Variants in CENPH observed in about 807,000 individuals in gnomAD.
CENPH encodes the protein centromere protein H, also known as CENP-H.
A neutral mutation model predicts 42.9 loss-of-function variants in CENPH; 40 were observed. That is an observed-to-expected ratio of 0.93 (90% CI 0.72 to 1.21). CENPH has a LOEUF of 1.21. Ranked by LOEUF, CENPH falls within the 50% of genes most tolerant of loss-of-function variation. The probability of loss-of-function intolerance (pLI) is 0.00; values close to 1 mark genes in which losing one functional copy is unlikely to be tolerated. For missense variants in CENPH, 302 were observed against 292.9 expected (o/e 1.03, Z -0.23); for synonymous variants, 88 against 96.5 (o/e 0.91, Z 0.52).
At chr5:69,201,773 C>T (rs149872764) in intron 5 of CENPH, among the ~76,000 whole-genome samples, 2 of 152,250 alleles carry the variant, frequency 1.3e-5, no homozygotes, top group African/African-American at 2.4e-5. Flanking sequence ...GCAGGATGAT[C>T]GCTTGAGCCC....
intron 1 of CENPH, 61 bp downstream of exon 1, chr5:69,189,829 C>G: frequency 1.4e-6 from 2 of 1,417,292 alleles, no homozygotes; most frequent in Non-Finnish European, 1.8e-6. Flanking sequence ...GAACTCCGCC[C>G]TTGCTCAGAA....
chr5:69,208,148 T>A (rs1355595536), intron 7 of CENPH, 48 bp from the exon 8 acceptor site: 5 of 972,500 alleles, frequency 5.1e-6, no homozygotes, highest in Non-Finnish European at 7.4e-6. Context: ...AGATCCTTGT[T>A]TATAGAGGTA....
chr5:69,205,523 G>A (rs947130828), intron 7 of CENPH, among the ~76,000 whole-genome samples: 2 of 151,880 alleles, frequency 1.3e-5, no homozygotes, highest in South Asian at 2.1e-4. Flanking sequence ...CACTGTGACC[G>A]GCCTTTTTGT....
At chr5:69,192,346 C>T (rs952408504) in intron 2 of CENPH, among the ~76,000 whole-genome samples, 28 of 152,220 alleles carry the variant, frequency 1.8e-4, no homozygotes, top group Non-Finnish European at 2.6e-4. Flanking sequence ...AGAAAGTTTA[C>T]GTTCCAATAG....
At chr5:69,195,153 C>T (rs1470852526) in intron 3 of CENPH, among the ~76,000 whole-genome samples, 4 of 152,112 alleles carry the variant, frequency 2.6e-5, no homozygotes, top group South Asian at 2.1e-4. Context: ...TGCTTGAACC[C>T]GGGAGGCGGA....
chr5:69,204,332 GTGCAGTGGCGTGA>G (rs1437648762), intron 7 of CENPH, among the ~76,000 whole-genome samples: 2 of 151,658 alleles, frequency 1.3e-5, no homozygotes, highest in African/African-American at 2.4e-5. Flanking sequence ...CCAGGCTGGA[GTGCAGTGGCGTGA>G]TCATAGTTCT....
intron 8 of CENPH, among the ~76,000 whole-genome samples, 197 bp downstream of exon 8, chr5:69,208,556 A>C (rs952281663): frequency 1.3e-5 from 2 of 151,810 alleles, no homozygotes; most frequent in Non-Finnish European, 2.9e-5. Context: ...ACGGGGTTTC[A>C]CCATGTTGGC....
intron 2 of CENPH, among the ~76,000 whole-genome samples, chr5:69,193,146 C>T (rs956026758): frequency 4.0e-5 from 6 of 149,648 alleles, no homozygotes; most frequent in Non-Finnish European, 8.9e-5. Context: ...CACACATATA[C>T]GTATATGTAT....
chr5:69,195,644 A>C, intron 3 of CENPH, 73 bp from the exon 4 acceptor site: 1 of 872,610 alleles, frequency 1.1e-6, no homozygotes, highest in Non-Finnish European at 1.9e-6. Context: ...TTAAGGGCTT[A>C]TTTTATACAT....
intron 5 of CENPH, among the ~76,000 whole-genome samples, chr5:69,199,876 G>T (rs1328672922): frequency 6.6e-6 from 1 of 152,152 alleles, no homozygotes; most frequent in Non-Finnish European, 1.5e-5. Flanking sequence ...ACTTTGGGAG[G>T]CCGAGGCAGG....
chr5:69,202,840 A>G, intron 6 of CENPH, 79 bp from the exon 7 acceptor site: 1 of 885,296 alleles, frequency 1.1e-6, no homozygotes, highest in East Asian at 2.6e-5. Flanking sequence ...AGGCTAGTAG[A>G]TAAACTCAGT....
intron 1 of CENPH, among the ~76,000 whole-genome samples, chr5:69,190,566 A>G (rs565899924): frequency 6.6e-6 from 1 of 152,318 alleles, no homozygotes; most frequent in African/African-American, 2.4e-5. Flanking sequence ...GTTCTATATC[A>G]TAACAGAGGT....
In CENPH at chr5:69,189,682, C is replaced by T. The variant is rs1244502879; in HGVS notation, c.48C>T (p.Ser16=). 8.8e-6 allele frequency: 14 copies of T among 1,595,372 alleles called. No homozygotes were observed. In the South Asian group the frequency reaches 1.4e-4, roughly 15 times the overall value. Residue 16 remains serine (S), a synonymous_variant, in exon 1 of 9, where the codon TCC becomes TCT. Transcript: ENST00000283006. Reference sequence around the variant, plus strand: ...AAGACGCCGACGAGCCCGCGGACTCCGGAGGGGAAGGCCGGGCAGGCGGGC... The same window carrying T: ...AAGACGCCGACGAGCCCGCGGACTCTGGAGGGGAAGGCCGGGCAGGCGGGC... ...QMQDADEPAD[S]GGEGRAGGPP...
chr5:69,197,036 CT>C lies in CENPH; in HGVS notation c.315-12del. On this transcript the variant is annotated splice_polypyrimidine_tract_variant and intron_variant, in intron 4 of 8. Coordinates refer to ENST00000283006, the MANE Select transcript of CENPH (RefSeq NM_022909.4). ...TGTTATCCATGTTTTATAATGCAAG[CT>C]TTTTCCCTCTCATAGGATGAGACTT... The C allele has an allele frequency of 6.6e-7, 1 of 1,523,472 alleles. No individual in the cohort carries two copies. The highest frequency in any genetic ancestry group is 8.8e-7 in the Non-Finnish European group (1 of 1,137,454). The allele number at this position is 1,523,472 out of a possible 1,614,324, so 94.4% of individuals were successfully genotyped here.
chr5:69,209,723 G>T lies in CENPH; in HGVS notation c.668G>T (p.Ser223Ile). 6.3e-7 allele frequency: 1 copy of T among 1,596,398 alleles called. No individual in the cohort carries two copies. Residue 223 changes from serine to isoleucine, a missense_variant, in exon 9 of 9, where the codon AGT becomes ATT. By Grantham distance (142) the Ser-to-Ile change is moderately radical. Transcript: ENST00000283006. ...TCTTTACAGAACCTTATTTTGGGGA[G>T]TAAAGTCAATTGGGCAGAGGATCCT... ...QHVFQNLILGSKVNWAEDPAL... is the reference protein window; with the variant it reads ...QHVFQNLILGIKVNWAEDPAL...
At chr5:69,202,804 T>C in intron 6 of CENPH, 115 bp from the exon 7 acceptor site, 1 of 687,298 alleles carries the variant, frequency 1.5e-6, no homozygotes, top group Non-Finnish European at 2.4e-6. Flanking sequence ...AATAGAGGAA[T>C]TGAAAACTGG....
At chr5:69,201,167 C>T (rs778949788) in intron 5 of CENPH, among the ~76,000 whole-genome samples, 16 of 152,126 alleles carry the variant, frequency 1.1e-4, no homozygotes, top group Non-Finnish European at 1.9e-4. Flanking sequence ...GGAATCCTTA[C>T]TTAACGAACC....
At chr5:69,202,882 C>T (rs1380948993) in intron 6 of CENPH, 37 bp from the exon 7 acceptor site, 1 of 1,270,234 alleles carries the variant, frequency 7.9e-7, no homozygotes. Flanking sequence ...TCCTTACATA[C>T]AGTAATGTGC....
rs762218556 is a variant in CENPH at position 69,208,382 on chromosome 5, A to G, written c.651+23A>G. 13 of 1,503,718 alleles carry G rather than the reference A, an allele frequency of 8.6e-6. No individual in the cohort carries two copies. In the Admixed American group the frequency reaches 1.8e-4, roughly 21 times the overall value. 93.1% of individuals were successfully genotyped at this position (1,503,718 alleles called of 1,614,324 possible). A position where few individuals can be genotyped will look rare whatever the true frequency, so the allele number is the denominator to read the frequency against. On this transcript the variant is annotated intron_variant, in intron 8 of 8. Transcript: ENST00000283006. ...CAGGTAACATTTATATAAACTAGCA[A>G]GAGTTTTAATCTTGTTGCCCAGGCT...
Sources: gnomAD v4.1 joint callset for allele counts (sites outside exome capture counted in the v4.1 genomes callset) on GRCh38, gnomAD v4.1.1 for gene constraint, MANE v1.5 for transcripts, NCBI Gene and HGNC (gene_info 2026-07-23, HGNC 2026-07-21) for gene names.